The following PDE4B variants were observed in gnomAD, a reference collection of about 807,000 sequenced individuals.
PDE4B encodes 3',5'-cyclic-AMP phosphodiesterase 4B.
A neutral mutation model predicts 82.2 loss-of-function variants in PDE4B; 20 were observed. That is an observed-to-expected ratio of 0.24 (90% CI 0.17 to 0.35). PDE4B has a LOEUF of 0.35. PDE4B is among the 10% of genes least tolerant of loss of function. PDE4B has a pLI of 1.00. For synonymous variants in PDE4B, 320 were observed against 318.9 expected (o/e 1.00, Z -0.04); for missense variants, 655 against 907.2 (o/e 0.72, Z 3.57).
chr1:66,286,092 A>G (rs766504991), intron 7 of PDE4B, among the ~76,000 whole-genome samples: 28 of 152,188 alleles, frequency 1.8e-4, no homozygotes, highest in Non-Finnish European at 3.2e-4. Flanking sequence ...AGTGCTAAAT[A>G]AATAAACATG....
chr1:66,079,711 G>A (rs1052200066), intron 3 of PDE4B, among the ~76,000 whole-genome samples: 3 of 152,056 alleles, frequency 2.0e-5, no homozygotes, highest in African/African-American at 7.2e-5. Context: ...TAAATGTCAA[G>A]GAGGAAAAAA....
chr1:66,366,911 C>A (rs1195656594), intron 13 of PDE4B, among the ~76,000 whole-genome samples: 2 of 152,122 alleles, frequency 1.3e-5, no homozygotes, highest in Non-Finnish European at 2.9e-5. Flanking sequence ...TGTAACAGAA[C>A]CTGTAATTAA....
intron 3 of PDE4B, among the ~76,000 whole-genome samples, chr1:65,990,251 A>T (rs554901039): frequency 6.6e-6 from 1 of 152,296 alleles, no homozygotes; most frequent in South Asian, 2.1e-4. Context: ...GTACTGCTTT[A>T]GGTAAGTTTA....
chr1:66,106,705 G>T (rs1184511022), intron 3 of PDE4B, among the ~76,000 whole-genome samples: 1 of 152,036 alleles, frequency 6.6e-6, no homozygotes, highest in African/African-American at 2.4e-5. Flanking sequence ...ATTTCTTCTA[G>T]ATTTTCTAGT....
At chr1:66,255,872 A>G (rs1654178469) in intron 4 of PDE4B, among the ~76,000 whole-genome samples, 2 of 152,240 alleles carry the variant, frequency 1.3e-5, no homozygotes, top group Admixed American at 6.5e-5. Context: ...AAGTCATAAA[A>G]TAGGAAGCAT....
chr1:66,301,409 A>G (rs1022680631), intron 7 of PDE4B, among the ~76,000 whole-genome samples: 3 of 152,036 alleles, frequency 2.0e-5, no homozygotes, highest in Non-Finnish European at 4.4e-5. Flanking sequence ...TCTCCATTTG[A>G]TCCTGAGGTA....
intron 3 of PDE4B, among the ~76,000 whole-genome samples, chr1:66,143,151 T>G (rs1646205488): frequency 6.6e-6 from 1 of 152,192 alleles, no homozygotes; most frequent in Admixed American, 6.5e-5. Flanking sequence ...GACTTCTCTT[T>G]TGCTAGACAC....
At chr1:65,827,766 G>A (rs182268615) in intron 1 of PDE4B, among the ~76,000 whole-genome samples, 3 of 152,212 alleles carry the variant, frequency 2.0e-5, no homozygotes, top group Admixed American at 6.5e-5. Context: ...CCAAAATTTG[G>A]TAAAACGACA....
intron 7 of PDE4B, among the ~76,000 whole-genome samples, chr1:66,325,102 G>C (rs1005640450): frequency 2.6e-5 from 4 of 152,114 alleles, no homozygotes; most frequent in African/African-American, 9.7e-5. Context: ...ATTTTATCAA[G>C]TACTTATTGC....
chr1:65,904,197 C>T (rs1445588263), intron 1 of PDE4B, among the ~76,000 whole-genome samples: 2 of 151,980 alleles, frequency 1.3e-5, no homozygotes. Flanking sequence ...TCCCATATAC[C>T]CCATGAAACA....
chr1:66,088,166 G>A (rs978905463), intron 3 of PDE4B, among the ~76,000 whole-genome samples: 1 of 150,054 alleles, frequency 6.7e-6, no homozygotes, highest in South Asian at 2.2e-4. Context: ...GTGAAGCAGA[G>A]AAGAGGGGTG....
At chr1:66,055,066 T>A (rs1385076132) in intron 3 of PDE4B, among the ~76,000 whole-genome samples, 1 of 152,206 alleles carries the variant, frequency 6.6e-6, no homozygotes, top group Non-Finnish European at 1.5e-5. Flanking sequence ...ATCAAAGTCT[T>A]GATTTTACTG....
chr1:66,119,512 C>T (rs1645666769), intron 3 of PDE4B, among the ~76,000 whole-genome samples: 1 of 140,854 alleles, frequency 7.1e-6, no homozygotes, highest in African/African-American at 2.6e-5. Flanking sequence ...TATTGTCTAG[C>T]ATTCTCTATA....
intron 3 of PDE4B, among the ~76,000 whole-genome samples, chr1:66,187,257 G>A (rs1045527201): frequency 8.0e-4 from 121 of 151,800 alleles, no homozygotes; most frequent in Non-Finnish European, 1.5e-3. Context: ...GAGGATTTTT[G>A]CATCAATGTT....
rs540280036 is a variant in PDE4B, at chr1:66,283,910, A to G, written c.634+17823A>G. Among the ~76,000 whole-genome samples the G allele has an allele frequency of 2.6e-4, 40 of 152,264 alleles. No individual in the cohort carries two copies. In the South Asian group the frequency reaches 6.4e-3, roughly 24 times the overall value. On this transcript the variant is annotated intron_variant, in intron 7 of 16. Coordinates refer to ENST00000341517, the MANE Select transcript of PDE4B (RefSeq NM_002600.4). Reference sequence around the variant, plus strand: ...GAGAGAAAGAGAGAGAGAGAGATTCATTCACCACTTTCTCATTGACTCATT... The same window carrying G: ...GAGAGAAAGAGAGAGAGAGAGATTCGTTCACCACTTTCTCATTGACTCATT...
chr1:66,215,936 G>T (rs1650413174), intron 3 of PDE4B, among the ~76,000 whole-genome samples: 1 of 152,074 alleles, frequency 6.6e-6, no homozygotes, highest in Admixed American at 6.6e-5. Context: ...CATGACATTT[G>T]GTATGAGATT....
At position 66,266,048 on chromosome 1, in the gene PDE4B, G is replaced by C. The variant is rs1655011844; in HGVS notation, c.595G>C (p.Ala199Pro). 2 of 1,613,334 alleles carry C rather than the reference G, an allele frequency of 1.2e-6. No individual in the cohort carries two copies. Among genetic ancestry groups the C allele is most frequent in the Non-Finnish European group, 1.7e-6 (2 of 1,179,430 alleles). ...LHGTSNKRSP[A>P]ASQPPVSRVN... ...TCTCTGTCTCCACAGGAGGTCCCCAGCTGCTAGTCAGCCTCCTGTCTCCAG... is the reference window on the plus strand; with the variant it reads ...TCTCTGTCTCCACAGGAGGTCCCCACCTGCTAGTCAGCCTCCTGTCTCCAG... The change falls in exon 7 of 17, where the codon GCT (alanine) becomes CCT (proline). Residue 199 changes from alanine (A) to proline (P), a missense_variant. Ala to Pro is a conservative substitution (Grantham distance 27). Coordinates refer to ENST00000341517, the MANE Select transcript of PDE4B (RefSeq NM_002600.4).
At chr1:66,224,007 C>A (rs149143173) in intron 3 of PDE4B, among the ~76,000 whole-genome samples, 4 of 152,150 alleles carry the variant, frequency 2.6e-5, no homozygotes, top group Non-Finnish European at 1.5e-5. Flanking sequence ...TTTTGAATAA[C>A]CTTTTCTTCC....
chr1:66,080,101 T>A (rs1334036068), intron 3 of PDE4B, among the ~76,000 whole-genome samples: 1 of 152,138 alleles, frequency 6.6e-6, no homozygotes, highest in Non-Finnish European at 1.5e-5. Context: ...ACCAATATTT[T>A]AAAAATTATT....
Sources: gnomAD v4.1 joint callset for allele counts (sites outside exome capture counted in the v4.1 genomes callset) on GRCh38, gnomAD v4.1.1 for gene constraint, MANE v1.5 for transcripts, NCBI Gene and HGNC (gene_info 2026-07-23, HGNC 2026-07-21) for gene names.